Variants in ARHGAP42 observed in about 807,000 individuals in gnomAD.
ARHGAP42 encodes Rho GTPase activating protein 42.
ARHGAP42 carries 63 observed loss-of-function variants against 125.0 expected under a neutral mutation model. That is an observed-to-expected ratio of 0.50 (90% CI 0.41 to 0.62). ARHGAP42 has a LOEUF of 0.62. Among genes scored for constraint, ARHGAP42 ranks in the 20% least tolerant of loss-of-function variants. The pLI is 0.00. For synonymous variants in ARHGAP42, 339 were observed against 351.0 expected (o/e 0.97, Z 0.38); for missense variants, 766 against 1,024.2 (o/e 0.75, Z 3.44).
intron 3 of ARHGAP42, among the ~76,000 whole-genome samples, chr11:100,834,163 A>T (rs976682284): frequency 6.6e-6 from 1 of 152,140 alleles, no homozygotes. Flanking sequence ...TAGTATCCCC[A>T]TTCTGTGGCT....
intron 17 of ARHGAP42, among the ~76,000 whole-genome samples, chr11:100,971,023 A>G (rs1392427012): frequency 6.6e-6 from 1 of 152,068 alleles, no homozygotes; most frequent in African/African-American, 2.4e-5. Flanking sequence ...GAAGAGAGGG[A>G]GCCCTGTCTT....
rs956843306 is a variant in ARHGAP42 at position 100,821,859 on chromosome 11, C to T, written c.312+26693C>T. Reference sequence around the variant, plus strand: ...TATTCATTCTTATTTTACATTAATCCGAACCACATTTCTTCAGTGGCAAAT... The same window carrying T: ...TATTCATTCTTATTTTACATTAATCTGAACCACATTTCTTCAGTGGCAAAT... On this transcript the variant is annotated intron_variant, in intron 3 of 23. Transcript: ENST00000298815. Among the ~76,000 whole-genome samples the T allele has an allele frequency of 1.9e-4, 29 of 152,050 alleles. 1 individual carries two copies. Among genetic ancestry groups the T allele is most frequent in the African/African-American group, 5.6e-4 (23 of 41,402 alleles).
intron 1 of ARHGAP42, among the ~76,000 whole-genome samples, chr11:100,704,071 AG>A (rs1269975651): frequency 6.6e-6 from 1 of 152,166 alleles, no homozygotes; most frequent in African/African-American, 2.4e-5. Flanking sequence ...TAGAGACAAA[AG>A]AGACATTCAG....
chr11:100,779,625 A>G (rs1398369093), intron 2 of ARHGAP42, among the ~76,000 whole-genome samples: 3 of 111,328 alleles, frequency 2.7e-5, no homozygotes, highest in Non-Finnish European at 3.9e-5. Context: ...TATATCTACT[A>G]TGGTTCTTTT....
At chr11:100,927,854 A>G (rs1776236789) in intron 6 of ARHGAP42, among the ~76,000 whole-genome samples, 1 of 152,168 alleles carries the variant, frequency 6.6e-6, no homozygotes, top group Non-Finnish European at 1.5e-5. Flanking sequence ...TTGTCCATTC[A>G]TTCATTTGTG....
chr11:100,751,426 G>A (rs1048580992), intron 1 of ARHGAP42, among the ~76,000 whole-genome samples: 3 of 151,758 alleles, frequency 2.0e-5, no homozygotes, highest in Non-Finnish European at 1.5e-5. Flanking sequence ...GAGACTTACA[G>A]GCATGCACTA....
chr11:100,915,872 C>T (rs1295022258), intron 5 of ARHGAP42, among the ~76,000 whole-genome samples: 1 of 152,132 alleles, frequency 6.6e-6, no homozygotes, highest in Non-Finnish European at 1.5e-5. Context: ...CCCTTCGCCC[C>T]TCTAGGAATC....
intron 1 of ARHGAP42, among the ~76,000 whole-genome samples, chr11:100,709,565 C>CAGT (rs1861528288): frequency 6.6e-6 from 1 of 151,938 alleles, no homozygotes; most frequent in East Asian, 1.9e-4. Context: ...TTTCAGACCT[C>CAGT]AGTTGACTGT....
intron 22 of ARHGAP42, among the ~76,000 whole-genome samples, chr11:100,980,078 G>C (rs1040813851): frequency 6.6e-6 from 1 of 152,080 alleles, no homozygotes; most frequent in South Asian, 2.1e-4. Flanking sequence ...GCCCAGTAAG[G>C]GCCCTCATGT....
chr11:100,778,395 A>G (rs1045919716), intron 2 of ARHGAP42, among the ~76,000 whole-genome samples: 16 of 152,170 alleles, frequency 1.1e-4, no homozygotes, highest in Admixed American at 8.5e-4. Context: ...GACCCTCATT[A>G]CAACCACTTA....
chr11:100,738,166 C>G lies in ARHGAP42; in HGVS notation c.155-32177C>G, dbSNP rs141336861. On this transcript the variant is annotated intron_variant, in intron 1 of 23. Coordinates refer to ENST00000298815, the MANE Select transcript of ARHGAP42 (RefSeq NM_152432.4). Reference sequence around the variant, plus strand: ...AAATATCGTAGAAATACTGTGATAGCCTTTAATTTATAGCTGTCAAATACT... The same window carrying G: ...AAATATCGTAGAAATACTGTGATAGGCTTTAATTTATAGCTGTCAAATACT... Among the ~76,000 whole-genome samples, 26 of 152,206 alleles carry G rather than the reference C, an allele frequency of 1.7e-4. 1 individual carries two copies. The East Asian group carries it at 5.0e-3, about 29-fold the overall frequency.
intron 4 of ARHGAP42, among the ~76,000 whole-genome samples, chr11:100,871,555 A>AAAG (rs1555015138): frequency 4.6e-5 from 7 of 151,492 alleles, no homozygotes; most frequent in Admixed American, 4.6e-4. Flanking sequence ...TAAAAAAAAA[A>AAAG]AAAAAAGAAA....
intron 3 of ARHGAP42, among the ~76,000 whole-genome samples, chr11:100,815,210 G>A (rs1864239749): frequency 6.6e-6 from 1 of 152,120 alleles, no homozygotes; most frequent in Non-Finnish European, 1.5e-5. Context: ...ATGTATGAAG[G>A]GTATTATATT....
At chr11:100,867,946 G>T (rs895025515) in intron 4 of ARHGAP42, among the ~76,000 whole-genome samples, 1 of 152,136 alleles carries the variant, frequency 6.6e-6, no homozygotes, top group Non-Finnish European at 1.5e-5. Context: ...ACAGAGAATG[G>T]CCAGTTAGCA....
intron 1 of ARHGAP42, among the ~76,000 whole-genome samples, chr11:100,700,266 G>C (rs1177621080): frequency 2.6e-5 from 4 of 152,208 alleles, no homozygotes; most frequent in Non-Finnish European, 5.9e-5. Context: ...TGAGCCATCA[G>C]CGAGTTATAA....
At chr11:100,852,205 G>A (rs956147931) in intron 3 of ARHGAP42, among the ~76,000 whole-genome samples, 2 of 151,890 alleles carry the variant, frequency 1.3e-5, no homozygotes, top group Admixed American at 1.3e-4. Flanking sequence ...TTAAGAAATT[G>A]CATATATATT....
At chr11:100,846,394 A>T (rs1865065936) in intron 3 of ARHGAP42, among the ~76,000 whole-genome samples, 1 of 152,090 alleles carries the variant, frequency 6.6e-6, no homozygotes, top group African/African-American at 2.4e-5. Context: ...TAGGAAAATG[A>T]TGTTTAGTTT....
intron 8 of ARHGAP42, among the ~76,000 whole-genome samples, chr11:100,936,668 T>A (rs1389247996): frequency 6.6e-6 from 1 of 152,188 alleles, no homozygotes; most frequent in African/African-American, 2.4e-5. Flanking sequence ...TCCTGGTGAC[T>A]GTGATAATAG....
chr11:100,977,857 T>C (rs1858432305), intron 21 of ARHGAP42, among the ~76,000 whole-genome samples: 1 of 152,214 alleles, frequency 6.6e-6, no homozygotes, highest in Non-Finnish European at 1.5e-5. Flanking sequence ...ATGATGGCAT[T>C]CTTCCTGACA....
Sources: gnomAD v4.1 joint callset for allele counts (sites outside exome capture counted in the v4.1 genomes callset) on GRCh38, gnomAD v4.1.1 for gene constraint, MANE v1.5 for transcripts, NCBI Gene and HGNC (gene_info 2026-07-23, HGNC 2026-07-21) for gene names.